Variants in KIAA1549L observed in about 807,000 individuals in gnomAD.
The protein encoded by KIAA1549L is KIAA1549 like, also known as UPF0606 protein KIAA1549L.
Under a neutral mutation model 160.7 loss-of-function variants are expected in KIAA1549L, and 88 were observed. That is an observed-to-expected ratio of 0.55 (90% CI 0.46 to 0.65). KIAA1549L has a LOEUF of 0.65. KIAA1549L is among the 30% of genes least tolerant of loss of function. KIAA1549L has a pLI of 0.00. For missense variants in KIAA1549L, 2,258 were observed against 2,437.5 expected, an observed-to-expected ratio of 0.93 and a Z score of 1.55; for synonymous variants, 950 against 976.7, an observed-to-expected ratio of 0.97 and a Z score of 0.51.
intron 12 of KIAA1549L, 124 bp downstream of exon 12, chr11:33,591,545 A>G (rs1850054303): frequency 5.3e-6 from 4 of 756,486 alleles, no homozygotes; most frequent in Non-Finnish European, 6.4e-6. Context: ...GCTCATTTTG[A>G]ATATTTGAAA....
At chr11:33,548,358 C>T (rs534345132) in intron 4 of KIAA1549L, among the ~76,000 whole-genome samples, 10 of 152,260 alleles carry the variant, frequency 6.6e-5, no homozygotes, top group East Asian at 5.8e-4. Flanking sequence ...GAGATCATGC[C>T]GCTGCACTCC....
At position 33,628,915 on chromosome 11, in the gene KIAA1549L, G is replaced by A. The variant is rs567420321; in HGVS notation, c.5409+10253G>A. On this transcript the variant is annotated intron_variant, in intron 16 of 20. Coordinates refer to ENST00000658780, the MANE Select transcript of KIAA1549L (RefSeq NM_012194.3). ...TTACATTTTGGCATGATTTTGCATC[G>A]GCTGGTACCGGTTGTTCCTTTCCAT... Among the ~76,000 whole-genome samples the A allele has an allele frequency of 8.4e-3, 1,273 of 151,736 alleles. 13 individuals carry two copies. The highest frequency in any genetic ancestry group is 0.03 in the African/African-American group (1,225 of 41,134).
intron 1 of KIAA1549L, among the ~76,000 whole-genome samples, chr11:33,398,315 A>G (rs1461214837): frequency 6.6e-6 from 1 of 151,910 alleles, no homozygotes; most frequent in Non-Finnish European, 1.5e-5. Flanking sequence ...CATCCACTCT[A>G]TACCAATGCT....
intron 7 of KIAA1549L, among the ~76,000 whole-genome samples, 176 bp downstream of exon 7, chr11:33,560,087 GTGA>G (rs1292585202): frequency 6.6e-6 from 1 of 152,228 alleles, no homozygotes; most frequent in Non-Finnish European, 1.5e-5. Flanking sequence ...ATGGATTAAG[GTGA>G]CAGCTAAAAT....
At chr11:33,588,385 G>A (rs1040389413) in intron 11 of KIAA1549L, among the ~76,000 whole-genome samples, 12 of 152,174 alleles carry the variant, frequency 7.9e-5, no homozygotes, top group African/African-American at 2.4e-4. Flanking sequence ...GGCTTTGAAT[G>A]CCTTGCCAAA....
chr11:33,554,804 G>A (rs1438910232), intron 6 of KIAA1549L, among the ~76,000 whole-genome samples: 1 of 152,182 alleles, frequency 6.6e-6, no homozygotes, highest in Non-Finnish European at 1.5e-5. Flanking sequence ...GAGGAAAATT[G>A]TGATGCTATC....
intron 10 of KIAA1549L, among the ~76,000 whole-genome samples, chr11:33,580,571 C>CAAAAAAAAAAAAA (rs368467299): frequency 1.9e-5 from 1 of 52,538 alleles, no homozygotes; most frequent in Non-Finnish European, 4.4e-5. Context: ...GATTCTGCCT[C>CAAAAAAAAAAAAA]AAAAAAAAAA....
intron 1 of KIAA1549L, among the ~76,000 whole-genome samples, chr11:33,415,631 C>T (rs559285737): frequency 2.6e-5 from 4 of 152,234 alleles, no homozygotes; most frequent in Admixed American, 6.5e-5. Context: ...TCTTCTTGGT[C>T]TGTACTGCGC....
At chr11:33,546,583 ATC>A in intron 3 of KIAA1549L, among the ~76,000 whole-genome samples, 1 of 152,344 alleles carries the variant, frequency 6.6e-6, no homozygotes, top group South Asian at 2.1e-4. Context: ...AGCCACATTT[ATC>A]TCTCTGCCTT....
At chr11:33,648,464 T>C (rs992413073) in intron 17 of KIAA1549L, among the ~76,000 whole-genome samples, 1 of 150,744 alleles carries the variant, frequency 6.6e-6, no homozygotes, top group African/African-American at 2.4e-5. Context: ...GCTTTGATAA[T>C]GTGGAAATCC....
At chr11:33,472,107 C>T (rs7119313) in intron 1 of KIAA1549L, among the ~76,000 whole-genome samples, 7,363 of 151,742 alleles carry the variant, frequency 0.049, 350 homozygotes, top group South Asian at 0.12. Context: ...CCTTCCTTTC[C>T]TTTTTTTCCT....
At chr11:33,415,036 T>G (rs192730703) in intron 1 of KIAA1549L, among the ~76,000 whole-genome samples, 1 of 152,210 alleles carries the variant, frequency 6.6e-6, no homozygotes, top group African/African-American at 2.4e-5. Flanking sequence ...ACATTTAATG[T>G]TGCCAAATCA....
chr11:33,384,147 C>T (rs1565114290), intron 1 of KIAA1549L, among the ~76,000 whole-genome samples: 2 of 152,180 alleles, frequency 1.3e-5, no homozygotes, highest in Admixed American at 1.3e-4. Context: ...CCCCAACACA[C>T]CCAGTCCCTG....
chr11:33,654,054 C>G, intron 17 of KIAA1549L, among the ~76,000 whole-genome samples: 1 of 152,054 alleles, frequency 6.6e-6, no homozygotes, highest in Non-Finnish European at 1.5e-5. Flanking sequence ...CCCACTGCAA[C>G]CCCCAACTTC....
intron 1 of KIAA1549L, among the ~76,000 whole-genome samples, chr11:33,449,191 T>C (rs1477232097): frequency 6.6e-6 from 1 of 152,244 alleles, no homozygotes; most frequent in Non-Finnish European, 1.5e-5. Flanking sequence ...TATTTTATAA[T>C]GGGCTTAAAG....
rs534761643 is a variant in KIAA1549L, at chr11:33,386,999, T to C, written c.238+10110T>C. Among the ~76,000 whole-genome samples, 9 of 151,562 alleles carry C rather than the reference T, an allele frequency of 5.9e-5. No homozygotes were observed. The South Asian group carries it at 8.4e-4, about 14-fold the overall frequency. ...GTGCACACCTATAGTCCCAGCTACTTGGGAGGCTGAAGCATGAGAATTGTT... is the reference window on the plus strand; with the variant it reads ...GTGCACACCTATAGTCCCAGCTACTCGGGAGGCTGAAGCATGAGAATTGTT... On this transcript the variant is annotated intron_variant, in intron 1 of 20. Transcript: ENST00000658780.
intron 1 of KIAA1549L, among the ~76,000 whole-genome samples, chr11:33,389,339 G>A (rs1024377275): frequency 1.3e-5 from 2 of 152,202 alleles, no homozygotes; most frequent in Non-Finnish European, 2.9e-5. Flanking sequence ...AAGAAAATGT[G>A]TTGAAATTGA....
intron 1 of KIAA1549L, among the ~76,000 whole-genome samples, chr11:33,441,236 C>A (rs940695254): frequency 6.6e-6 from 1 of 152,016 alleles, no homozygotes; most frequent in Admixed American, 6.6e-5. Context: ...CATGTCCCTA[C>A]AAAGGACATG....
In KIAA1549L at chr11:33,544,822, T is replaced by C; in HGVS notation, c.2829T>C (p.Phe943=). The C allele has an allele frequency of 1.2e-6, 2 of 1,612,366 alleles. No homozygotes were observed. The highest frequency in any genetic ancestry group is 2.2e-5 in the South Asian group (2 of 91,018). Reference sequence around the variant, plus strand: ...CAGCAGCAGCTGCCGTCACATTGTTTCTGAGGAAATCAAGTCCACCTGCAC... The same window carrying C: ...CAGCAGCAGCTGCCGTCACATTGTTCCTGAGGAAATCAAGTCCACCTGCAC... ...QPTAAAAVTL[F]LRKSSPPALS... The change falls in exon 3 of 21, where the codon TTT becomes TTC. Residue 943 remains phenylalanine, a synonymous_variant. Coordinates refer to ENST00000658780, the MANE Select transcript of KIAA1549L (RefSeq NM_012194.3).
Sources: gnomAD v4.1 joint callset for allele counts (sites outside exome capture counted in the v4.1 genomes callset) on GRCh38, gnomAD v4.1.1 for gene constraint, MANE v1.5 for transcripts, NCBI Gene and HGNC (gene_info 2026-07-23, HGNC 2026-07-21) for gene names.